Variants in GUCY1B1 observed in about 807,000 individuals in gnomAD.
GUCY1B1 encodes guanylate cyclase 1 soluble subunit beta 1, also known as guanylate cyclase soluble subunit beta-1.
A neutral mutation model predicts 71.0 loss-of-function variants in GUCY1B1; 43 were observed. The observed-to-expected ratio is 0.61, with a 90% CI of 0.47 to 0.78. The LOEUF is 0.78. Ranked by LOEUF, GUCY1B1 falls within the 30% of genes least tolerant of loss-of-function variation. The probability of loss-of-function intolerance (pLI) is 0.00; values close to 1 mark genes in which losing one functional copy is unlikely to be tolerated. For synonymous variants in GUCY1B1, 266 were observed against 259.7 expected, an observed-to-expected ratio of 1.02 and a Z score of -0.23; for missense variants, 535 against 754.1, an observed-to-expected ratio of 0.71 and a Z score of 3.40.
At chr4:155,769,859 T>A (rs1250505657) in intron 2 of GUCY1B1, among the ~76,000 whole-genome samples, 1 of 152,134 alleles carries the variant, frequency 6.6e-6, no homozygotes, top group Non-Finnish European at 1.5e-5. Flanking sequence ...TTCCCTATTA[T>A]GTAATTATAT....
At chr4:155,788,107 C>A (rs562976478) in intron 4 of GUCY1B1, among the ~76,000 whole-genome samples, 1 of 152,240 alleles carries the variant, frequency 6.6e-6, no homozygotes, top group South Asian at 2.1e-4. Context: ...AAATTTATTA[C>A]CCTATGGTTT....
At chr4:155,773,191 G>T (rs974309236) in intron 2 of GUCY1B1, among the ~76,000 whole-genome samples, 1 of 152,200 alleles carries the variant, frequency 6.6e-6, no homozygotes, top group Non-Finnish European at 1.5e-5. Flanking sequence ...ATGTATTTTT[G>T]TGAAGTTAAC....
intron 4 of GUCY1B1, among the ~76,000 whole-genome samples, chr4:155,782,429 G>A (rs1399789177): frequency 6.6e-6 from 1 of 152,172 alleles, no homozygotes; most frequent in East Asian, 1.9e-4. Context: ...GTGTACTGAT[G>A]AAAAGACTGC....
chr4:155,776,127 G>A (rs535166381), intron 3 of GUCY1B1, among the ~76,000 whole-genome samples: 1 of 152,230 alleles, frequency 6.6e-6, no homozygotes, highest in Non-Finnish European at 1.5e-5. Context: ...TAATGATGGA[G>A]TACAGTTAAT....
rs1029611692 is a variant in GUCY1B1 at position 155,807,589 on chromosome 4, G to A, written c.*1180G>A. The stretch of plus-strand genomic sequence containing the variant: ...GTCTGTAATAAATTATTTTTTTCAC[G>A]TGTCTCTATACAGTTTTTATTTCAA... On this transcript the variant is annotated 3_prime_UTR_variant, in exon 14 of 14. Transcript: ENST00000264424. 4.6e-5 allele frequency: 7 copies of A among 151,732 alleles called. 1 individual carries two copies. The highest frequency in any genetic ancestry group is 3.9e-4 in the Admixed American group (6 of 15,202). 9.4% of individuals were successfully genotyped at this position (151,732 alleles called of 1,614,324 possible).
chr4:155,773,480 A>G (rs185370554), intron 2 of GUCY1B1, among the ~76,000 whole-genome samples: 2 of 152,322 alleles, frequency 1.3e-5, no homozygotes, highest in African/African-American at 4.8e-5. Context: ...GTGTTTAATA[A>G]GCTAAGGATA....
At chr4:155,783,109 C>G (rs1738548583) in intron 4 of GUCY1B1, among the ~76,000 whole-genome samples, 1 of 152,172 alleles carries the variant, frequency 6.6e-6, no homozygotes. Context: ...TAGACCACTA[C>G]TCTGTGCATT....
At chr4:155,796,711 A>G (rs571381412) in intron 8 of GUCY1B1, among the ~76,000 whole-genome samples, 1 of 152,192 alleles carries the variant, frequency 6.6e-6, no homozygotes, top group Non-Finnish European at 1.5e-5. Flanking sequence ...CACATACTCT[A>G]TGTTATTTGC....
intron 10 of GUCY1B1, among the ~76,000 whole-genome samples, chr4:155,803,205 A>G (rs906160696): frequency 6.6e-6 from 1 of 152,246 alleles, no homozygotes; most frequent in Non-Finnish European, 1.5e-5. Flanking sequence ...ACACTCTAGC[A>G]TGTGGTGAGC....
chr4:155,799,080 GC>G (rs557712133), intron 8 of GUCY1B1, among the ~76,000 whole-genome samples: 63 of 152,180 alleles, frequency 4.1e-4, no homozygotes, highest in Middle Eastern at 3.4e-3. Context: ...CAAGTGGTCT[GC>G]CCACCTCGCC....
Position 155,802,320 on chromosome 4 carries a change from T to C in GUCY1B1, c.1176-22T>C, listed in dbSNP as rs764459664. ...TTTCCCAGTATTTCTTACAGTGGCT[T>C]TCTGCTGATCCCACTGAACAGATTG... On this transcript the variant is annotated intron_variant, in intron 9 of 13. Coordinates refer to ENST00000264424, the MANE Select transcript of GUCY1B1 (RefSeq NM_000857.5). The surrounding 1 kb of genome is among the most constrained non-coding windows in gnomAD (Gnocchi z 4.3). 22 of 1,613,524 alleles carry C rather than the reference T, an allele frequency of 1.4e-5. No individual in the cohort carries two copies. The highest frequency in any genetic ancestry group is 3.3e-5 in the South Asian group (3 of 91,076).
intron 12 of GUCY1B1, 55 bp downstream of exon 12, chr4:155,804,802 T>C: frequency 6.9e-7 from 1 of 1,457,064 alleles, no homozygotes; most frequent in South Asian, 1.2e-5. Flanking sequence ...TGTCTTTGCA[T>C]GTGGTTTAAT....
rs1740338869 is a variant in GUCY1B1, at chr4:155,806,652, C to T, written c.*243C>T. On this transcript the variant is annotated 3_prime_UTR_variant, in exon 14 of 14. Transcript: ENST00000264424. Reference sequence around the variant, plus strand: ...TGGCTTTTGATGTGGATGATGTGAGCTTCATGTGTCTTAAAATCTACTACA... The same window carrying T: ...TGGCTTTTGATGTGGATGATGTGAGTTTCATGTGTCTTAAAATCTACTACA... 3 of 413,554 alleles carry T rather than the reference C, an allele frequency of 7.3e-6. No individual in the cohort carries two copies. Among genetic ancestry groups the T allele is most frequent in the Middle Eastern group, 5.7e-4 (1 of 1,750 alleles). 25.6% of individuals were successfully genotyped at this position (413,554 alleles called of 1,614,324 possible). A position where few individuals can be genotyped will look rare whatever the true frequency, so the allele number is the denominator to read the frequency against.
At chr4:155,780,191 A>ACATC (rs1442845239) in intron 4 of GUCY1B1, among the ~76,000 whole-genome samples, 1 of 152,180 alleles carries the variant, frequency 6.6e-6, no homozygotes, top group Non-Finnish European at 1.5e-5. Flanking sequence ...ATTGAAACCT[A>ACATC]CATCCTTTCT....
At position 155,759,121 on chromosome 4, in the gene GUCY1B1, C is replaced by T. The variant is rs1222262135; in HGVS notation, c.-20C>T. The T allele has an allele frequency of 8.2e-6, 13 of 1,591,428 alleles. No homozygotes were observed. Among genetic ancestry groups the T allele is most frequent in the South Asian group, 4.6e-5 (4 of 87,292 alleles). On this transcript the variant is annotated 5_prime_UTR_variant, in exon 1 of 14. Coordinates refer to ENST00000264424, the MANE Select transcript of GUCY1B1 (RefSeq NM_000857.5). ...TACCTCTGCGTGGGGGCTGCCTCCC[C>T]GGCTCCCGGTGCAGACACCATGGTA...
intron 4 of GUCY1B1, among the ~76,000 whole-genome samples, chr4:155,784,601 T>A (rs911817218): frequency 6.6e-6 from 1 of 152,108 alleles, no homozygotes; most frequent in African/African-American, 2.4e-5. Flanking sequence ...AAAAAGAGGT[T>A]TGCAATGACT....
rs1176048081 is a variant in GUCY1B1, at chr4:155,802,435, C to T, written c.1269C>T (p.Leu423=). Residue 423 remains leucine, a synonymous_variant, in exon 10 of 14, where the codon CTC becomes CTT. Coordinates refer to ENST00000264424, the MANE Select transcript of GUCY1B1 (RefSeq NM_000857.5). The surrounding 1 kb of genome is among the most constrained non-coding windows in gnomAD (Gnocchi z 4.3). ...AAAGATATGACAATGTGACCATCCTCTTTAGTGGCATTGTGGGCTTCAATG... is the reference window on the plus strand; with the variant it reads ...AAAGATATGACAATGTGACCATCCTTTTTAGTGGCATTGTGGGCTTCAATG... ...PAKRYDNVTI[L]FSGIVGFNAF... is the part of the protein sequence containing the mutation. The T allele has an allele frequency of 1.9e-6, 3 of 1,613,718 alleles. No individual in the cohort carries two copies. Among genetic ancestry groups the T allele is most frequent in the Non-Finnish European group, 1.7e-6 (2 of 1,179,792 alleles).
At chr4:155,771,000 G>T (rs1323823943) in intron 2 of GUCY1B1, among the ~76,000 whole-genome samples, 2 of 152,082 alleles carry the variant, frequency 1.3e-5, no homozygotes, top group Middle Eastern at 3.2e-3. Flanking sequence ...TGAGGACAGG[G>T]ATCTTTACCT....
chr4:155,780,192 C>T (rs1738315563), intron 4 of GUCY1B1, among the ~76,000 whole-genome samples: 1 of 152,166 alleles, frequency 6.6e-6, no homozygotes, highest in African/African-American at 2.4e-5. Flanking sequence ...TTGAAACCTA[C>T]ATCCTTTCTG....
Sources: gnomAD v4.1 joint callset for allele counts (sites outside exome capture counted in the v4.1 genomes callset) on GRCh38, gnomAD v4.1.1 for gene constraint, Gnocchi (gnomAD v3.1) non-coding constraint, MANE v1.5 for transcripts, NCBI Gene and HGNC (gene_info 2026-07-23, HGNC 2026-07-21) for gene names.